Variants in WDPCP observed in about 807,000 individuals in gnomAD.
WDPCP encodes the protein WD repeat containing planar cell polarity effector.
WDPCP carries 71 observed loss-of-function variants against 93.1 expected under a neutral mutation model. That is an observed-to-expected ratio of 0.76 (90% CI 0.63 to 0.93). WDPCP has a LOEUF of 0.93. Among genes scored for constraint, WDPCP ranks in the 40% least tolerant of loss-of-function variants. The pLI is 0.00. For synonymous variants in WDPCP, 315 were observed against 315.0 expected, an observed-to-expected ratio of 1.00 and a Z score of 0.00; for missense variants, 844 against 887.4, an observed-to-expected ratio of 0.95 and a Z score of 0.62.
intron 15 of WDPCP, among the ~76,000 whole-genome samples, chr2:63,166,300 C>T (rs62180321): frequency 2.0e-5 from 3 of 151,982 alleles, no homozygotes; most frequent in Admixed American, 6.6e-5. Flanking sequence ...CCCCTGACCT[C>T]GTGATTCGCC....
chr2:63,733,247 C>T (rs1416867890), intron 2 of WDPCP, among the ~76,000 whole-genome samples: 3 of 133,816 alleles, frequency 2.2e-5, no homozygotes, highest in Non-Finnish European at 4.6e-5. Context: ...GGCCGGACTG[C>T]GGACTGCAGT....
intron 14 of WDPCP, among the ~76,000 whole-genome samples, chr2:63,200,711 C>A (rs1016769157): frequency 1.8e-4 from 27 of 151,900 alleles, no homozygotes; most frequent in Admixed American, 2.6e-4. Context: ...TTATTGGGTA[C>A]AACAAAATGG....
chr2:63,208,486 C>G (rs900171709), intron 14 of WDPCP, among the ~76,000 whole-genome samples: 2 of 152,124 alleles, frequency 1.3e-5, no homozygotes, highest in Non-Finnish European at 2.9e-5. Context: ...AATTTGGGCT[C>G]TACTCTGAAC....
Position 63,822,676 on chromosome 2 carries a change from G to A in WDPCP, n.222+4946C>T, listed in dbSNP as rs749862032. ...CAAGGTGGGAGGACTGCTTGTGGCC[G>A]AAAGTTTGTGACCCGCCTGGGCAAC... On this transcript the variant is annotated intron_variant and non_coding_transcript_variant, in intron 1 of 4. Transcript: ENST00000467687. Among the ~76,000 whole-genome samples, 76 of 151,968 alleles carry A rather than the reference G, an allele frequency of 5.0e-4. No individual in the cohort carries two copies. In the Middle Eastern group the frequency reaches 0.02, roughly 41 times the overall value.
At chr2:63,126,676 T>TG (rs1559137959) in intron 17 of WDPCP, among the ~76,000 whole-genome samples, 7 of 148,020 alleles carry the variant, frequency 4.7e-5, no homozygotes, top group Admixed American at 6.7e-5. Context: ...GTTTTTTTTT[T>TG]TTTTTTTTTT....
chr2:63,574,610 A>G (rs774468009), intron 1 of WDPCP, among the ~76,000 whole-genome samples: 6 of 152,210 alleles, frequency 3.9e-5, no homozygotes, highest in Non-Finnish European at 8.8e-5. Flanking sequence ...ACTTAAAAAC[A>G]TGGGTAGACA....
intron 1 of WDPCP, among the ~76,000 whole-genome samples, chr2:63,541,815 T>C (rs1252366158): frequency 6.6e-6 from 1 of 152,188 alleles, no homozygotes; most frequent in Non-Finnish European, 1.5e-5. Flanking sequence ...ATGTAAGAAT[T>C]AATCATAGCA....
intron 10 of WDPCP, among the ~76,000 whole-genome samples, chr2:63,385,279 T>C (rs1478335869): frequency 6.6e-6 from 1 of 152,046 alleles, no homozygotes; most frequent in African/African-American, 2.4e-5. Flanking sequence ...TTGTACCAGA[T>C]GTCCTAGCTG....
At position 63,697,961 on chromosome 2, in the gene WDPCP, T is replaced by C. The variant is rs1388701273; in HGVS notation, n.309-47123A>G. On this transcript the variant is annotated intron_variant and non_coding_transcript_variant, in intron 2 of 4. Coordinates refer to the WDPCP transcript ENST00000467687. ...CACCATGCCCAGCCTATGACTTTTT[T>C]TTTTTAAGATAGAGTCTCGCTCTGT... Among the ~76,000 whole-genome samples the C allele has an allele frequency of 2.7e-5, 4 of 147,044 alleles. No individual in the cohort carries two copies. The East Asian group carries it at 8.2e-4, about 30-fold the overall frequency.
chr2:63,549,636 G>A (rs968790032), intron 1 of WDPCP, among the ~76,000 whole-genome samples: 1 of 152,000 alleles, frequency 6.6e-6, no homozygotes, highest in African/African-American at 2.4e-5. Context: ...CATAGTGGCA[G>A]AAGCCTGTAA....
intron 13 of WDPCP, among the ~76,000 whole-genome samples, chr2:63,273,623 GATAGAAAA>G (rs1168080763): frequency 1.3e-5 from 2 of 151,968 alleles, no homozygotes; most frequent in African/African-American, 4.8e-5. Flanking sequence ...AAAGTAAAGG[GATAGAAAA>G]ATATGTGTTG....
intron 14 of WDPCP, among the ~76,000 whole-genome samples, chr2:63,234,428 T>G (rs1042754824): frequency 6.6e-6 from 1 of 152,170 alleles, no homozygotes; most frequent in Non-Finnish European, 1.5e-5. Context: ...CATTCCAGCC[T>G]GGGTGACAGA....
At chr2:63,287,999 A>G (rs992858672) in intron 13 of WDPCP, among the ~76,000 whole-genome samples, 1 of 152,246 alleles carries the variant, frequency 6.6e-6, no homozygotes, top group African/African-American at 2.4e-5. Flanking sequence ...AAGCAATTCT[A>G]TGTCAACTTG....
intron 2 of WDPCP, among the ~76,000 whole-genome samples, chr2:63,489,930 A>G (rs1037930570): frequency 2.0e-5 from 3 of 152,110 alleles, no homozygotes; most frequent in Non-Finnish European, 4.4e-5. Flanking sequence ...TTATCAGGTA[A>G]TCATGAATAT....
At chr2:63,246,834 C>T (rs1258188774) in intron 14 of WDPCP, among the ~76,000 whole-genome samples, 1 of 152,152 alleles carries the variant, frequency 6.6e-6, no homozygotes, top group Non-Finnish European at 1.5e-5. Flanking sequence ...TGGTTTTTAA[C>T]ATCACTAATG....
chr2:63,411,503 C>A (rs1426682671), intron 9 of WDPCP, among the ~76,000 whole-genome samples: 2 of 151,998 alleles, frequency 1.3e-5, no homozygotes, highest in African/African-American at 4.8e-5. Flanking sequence ...AACCCAAACC[C>A]AGCAGAAGAA....
intron 10 of WDPCP, among the ~76,000 whole-genome samples, chr2:63,400,421 C>G (rs940802961): frequency 1.3e-5 from 2 of 152,098 alleles, no homozygotes; most frequent in African/African-American, 2.4e-5. Flanking sequence ...ACAAAAGAAA[C>G]TATGAATAGA....
intron 2 of WDPCP, among the ~76,000 whole-genome samples, chr2:63,808,999 G>A (rs572681543): frequency 8.7e-5 from 13 of 149,580 alleles, no homozygotes; most frequent in East Asian, 2.0e-4. Flanking sequence ...CTGCCGCCCC[G>A]TCTGGGATGT....
At chr2:63,352,872 C>T (rs1416911824) in intron 12 of WDPCP, among the ~76,000 whole-genome samples, 1 of 152,156 alleles carries the variant, frequency 6.6e-6, no homozygotes, top group African/African-American at 2.4e-5. Context: ...AATTTACTGA[C>T]TCCTGCTATG....
Sources: gnomAD v4.1 joint callset for allele counts (sites outside exome capture counted in the v4.1 genomes callset) on GRCh38, gnomAD v4.1.1 for gene constraint, MANE v1.5 for transcripts, NCBI Gene and HGNC (gene_info 2026-07-23, HGNC 2026-07-21) for gene names.